ARSB: variants seen among roughly 807,000 people sequenced by gnomAD.
The protein encoded by ARSB is arylsulfatase B.
In ARSB, 41 loss-of-function variants were observed where a neutral mutation model predicts 50.9. That is an observed-to-expected ratio of 0.81 (90% CI 0.63 to 1.04). The LOEUF is 1.04. Among genes scored for constraint, ARSB ranks in the 50% least tolerant of loss-of-function variants. ARSB has a pLI of 0.00. For missense variants in ARSB, 672 were observed against 693.3 expected (o/e 0.97, Z 0.35); for synonymous variants, 269 against 284.8 (o/e 0.94, Z 0.56).
chr5:78,957,784 T>C (rs536294678), intron 3 of ARSB, among the ~76,000 whole-genome samples: 2 of 151,938 alleles, frequency 1.3e-5, no homozygotes, highest in Non-Finnish European at 2.9e-5. Context: ...GGCTGCGATG[T>C]CTGGAGGGAA....
intron 5 of ARSB, among the ~76,000 whole-genome samples, chr5:78,849,969 G>A (rs1370808942): frequency 1.8e-4 from 28 of 151,372 alleles, no homozygotes; most frequent in South Asian, 1.3e-3. Flanking sequence ...GGGCTGAGAC[G>A]ATGGGGTTTT....
chr5:78,790,873 G>T lies in ARSB; in HGVS notation c.1214-8899C>A, dbSNP rs116540166. Among the ~76,000 whole-genome samples the T allele has an allele frequency of 2.8e-3, 431 of 152,256 alleles. 3 individuals carry two copies. Among genetic ancestry groups the T allele is most frequent in the African/African-American group, 0.01 (420 of 41,546 alleles). On this transcript the variant is annotated intron_variant, in intron 6 of 7. Coordinates refer to ENST00000264914, the MANE Select transcript of ARSB (RefSeq NM_000046.5). ...CTTCTCTGGTGTGGATTTAGAAAGGGTCTATATTTGTTCCCCCATTTATGT... is the reference window on the plus strand; with the variant it reads ...CTTCTCTGGTGTGGATTTAGAAAGGTTCTATATTTGTTCCCCCATTTATGT...
At position 78,926,358 on chromosome 5, in the gene ARSB, G is replaced by A. The variant is rs1030218967; in HGVS notation, c.898+28937C>T. ...GCATTGATGAAATAACAATAGGTAT[G>A]ATCGTGGTTCCTGTCCAAGTGCCTT... On this transcript the variant is annotated intron_variant, in intron 4 of 7. Transcript: ENST00000264914. 5.9e-5 allele frequency among the ~76,000 whole-genome samples: 9 copies of A among 152,238 alleles called. No individual in the cohort carries two copies. In the East Asian group the frequency reaches 1.4e-3, roughly 23 times the overall value.
At chr5:78,985,480 T>C (rs1271587389), upstream of ARSB, 2 of 301,952 alleles carry the variant, frequency 6.6e-6, no homozygotes. Context: ...GCTGCCCGGC[T>C]TCTTGGAAAC....
At chr5:78,901,604 C>T (rs371804025) in intron 4 of ARSB, among the ~76,000 whole-genome samples, 4 of 145,612 alleles carry the variant, frequency 2.7e-5, no homozygotes, top group Non-Finnish European at 6.1e-5. Flanking sequence ...TTAAAAAAAA[C>T]AAACAAAACC....
intron 4 of ARSB, among the ~76,000 whole-genome samples, chr5:78,891,894 T>G (rs1242486321): frequency 1.4e-5 from 2 of 147,246 alleles, no homozygotes; most frequent in African/African-American, 2.7e-5. Context: ...CTATCACCCC[T>G]ACTGCCCCAT....
At chr5:78,803,392 G>T (rs1289876077) in intron 6 of ARSB, among the ~76,000 whole-genome samples, 2 of 152,218 alleles carry the variant, frequency 1.3e-5, no homozygotes, top group African/African-American at 4.8e-5. Context: ...TTTTCCAAGA[G>T]AAATATGTGC....
rs191466733 is a variant in ARSB at position 78,784,155 on chromosome 5, T to C, written c.1214-2181A>G. On this transcript the variant is annotated intron_variant, in intron 6 of 7. Transcript: ENST00000264914. ...CAGCCATTTTAAAATGCAGAATACA[T>C]ATGTGCCAAGGGATAATATATAGCA... Among the ~76,000 whole-genome samples, 11 of 152,328 alleles carry C rather than the reference T, an allele frequency of 7.2e-5. No individual in the cohort carries two copies. The East Asian group carries it at 2.1e-3, about 29-fold the overall frequency.
chr5:78,963,311 C>T (rs1441064738), intron 3 of ARSB, among the ~76,000 whole-genome samples: 17 of 152,344 alleles, frequency 1.1e-4, no homozygotes, highest in Non-Finnish European at 2.4e-4. Context: ...TGCAGCACCA[C>T]GAGCCAAATA....
intron 6 of ARSB, among the ~76,000 whole-genome samples, chr5:78,797,719 G>T (rs372702489): frequency 2.0e-4 from 30 of 152,294 alleles, no homozygotes; most frequent in African/African-American, 6.3e-4. Flanking sequence ...ATATTCAGCT[G>T]CCCCTAAGAT....
intron 5 of ARSB, among the ~76,000 whole-genome samples, chr5:78,861,455 A>T (rs1226675473): frequency 6.6e-6 from 1 of 152,218 alleles, no homozygotes; most frequent in African/African-American, 2.4e-5. Context: ...TGGCTGGTTC[A>T]ACATATGCAA....
At chr5:78,928,077 A>C (rs1163070638) in intron 4 of ARSB, among the ~76,000 whole-genome samples, 1 of 152,092 alleles carries the variant, frequency 6.6e-6, no homozygotes, top group Non-Finnish European at 1.5e-5. Flanking sequence ...TCCTTCGGGG[A>C]GTCACATTAA....
intron 5 of ARSB, among the ~76,000 whole-genome samples, chr5:78,845,486 T>C (rs1351190456): frequency 6.6e-6 from 1 of 152,154 alleles, no homozygotes; most frequent in Non-Finnish European, 1.5e-5. Context: ...CTAATTTGCA[T>C]TCTCACCAGT....
rs568078545 is a variant in ARSB at position 78,785,040 on chromosome 5, C to T, written c.1214-3066G>A. Among the ~76,000 whole-genome samples, 101 of 152,156 alleles carry T rather than the reference C, an allele frequency of 6.6e-4. 1 individual carries two copies. The highest frequency in any genetic ancestry group is 2.3e-3 in the African/African-American group (94 of 41,534). On this transcript the variant is annotated intron_variant, in intron 6 of 7. Transcript: ENST00000264914. ...GTCTGGAACTCCTGACCTCATGATC[C>T]GCCCGCCTTGGCCTCCCAAAGTGCT...
In ARSB at chr5:78,867,520, G is replaced by A. The variant is rs1324222217; in HGVS notation, c.1142+18064C>T. Among the ~76,000 whole-genome samples, 12 of 152,284 alleles carry A rather than the reference G, an allele frequency of 7.9e-5. No homozygotes were observed. In the East Asian group the frequency reaches 9.7e-4, roughly 12 times the overall value. On this transcript the variant is annotated intron_variant, in intron 5 of 7. Coordinates refer to ENST00000264914, the MANE Select transcript of ARSB (RefSeq NM_000046.5). ...AGTGGGTCCCTGACCCCTGACCCCC[G>A]AGCAGCCTAACTGGGAGGCACCCCC...
chr5:78,904,710 G>C (rs1748965829), intron 4 of ARSB, among the ~76,000 whole-genome samples: 1 of 139,100 alleles, frequency 7.2e-6, no homozygotes, highest in Admixed American at 7.4e-5. Flanking sequence ...TTTTTTGAGA[G>C]AGGGTCTCAC....
At chr5:78,937,254 GATAT>G (rs1206556453) in intron 4 of ARSB, among the ~76,000 whole-genome samples, 1 of 144,962 alleles carries the variant, frequency 6.9e-6, no homozygotes, top group African/African-American at 2.5e-5. Flanking sequence ...AAGGAAGTTC[GATAT>G]ATATATATCT....
intron 4 of ARSB, among the ~76,000 whole-genome samples, chr5:78,943,512 T>G (rs150722507): frequency 0.034 from 5,207 of 152,208 alleles, 277 homozygotes; most frequent in African/African-American, 0.12. Context: ...GTCTGTAAAG[T>G]ATTTTATTTC....
intron 6 of ARSB, among the ~76,000 whole-genome samples, chr5:78,800,336 AAGCAGC>A (rs57239906): frequency 7.0e-6 from 1 of 143,778 alleles, no homozygotes; most frequent in Non-Finnish European, 1.5e-5. Flanking sequence ...AAAAAAAAAA[AAGCAGC>A]AGCAGCAGCA....
Sources: allele counts gnomAD v4.1 joint callset (sites outside exome capture counted in the v4.1 genomes callset), GRCh38; gene constraint gnomAD v4.1.1; transcripts MANE v1.5; gene names NCBI Gene and HGNC (gene_info 2026-07-23, HGNC 2026-07-21).